NCKAP5: variants seen among roughly 807,000 people sequenced by gnomAD.
NCKAP5 encodes NCK associated protein 5.
NCKAP5 carries 92 observed loss-of-function variants against 167.0 expected under a neutral mutation model. The ratio of observed to expected loss-of-function variants is 0.55; its 90% CI spans 0.47 to 0.66. The LOEUF (loss-of-function observed/expected upper bound fraction) is 0.66, where lower values mean the gene tolerates loss of function less well. Ranked by LOEUF, NCKAP5 falls within the 30% of genes least tolerant of loss-of-function variation. The pLI is 0.00. For synonymous variants in NCKAP5, 891 were observed against 877.4 expected, an observed-to-expected ratio of 1.02 and a Z score of -0.27; for missense variants, 2,378 against 2,315.0, an observed-to-expected ratio of 1.03 and a Z score of -0.56.
At chr2:133,668,406 G>A in the NCKAP5 span, among the ~76,000 whole-genome samples, 1 of 152,002 alleles carries the variant, frequency 6.6e-6, no homozygotes, top group East Asian at 1.9e-4. Context: ...ATTCCCGCCA[G>A]CAATATATGA....
intron 6 of NCKAP5, among the ~76,000 whole-genome samples, chr2:133,091,748 A>G (rs1334015004): frequency 6.6e-6 from 1 of 152,080 alleles, no homozygotes; most frequent in Non-Finnish European, 1.5e-5. Context: ...TTAGCCGGGC[A>G]TGGTGGTGGG....
At chr2:133,279,986 A>C (rs960993426) in intron 4 of NCKAP5, among the ~76,000 whole-genome samples, 1 of 152,220 alleles carries the variant, frequency 6.6e-6, no homozygotes, top group Non-Finnish European at 1.5e-5. Context: ...AATTTTTAAT[A>C]ATACATCTTC....
intron 6 of NCKAP5, among the ~76,000 whole-genome samples, chr2:133,124,796 C>T (rs2082350340): frequency 3.3e-5 from 5 of 152,206 alleles, no homozygotes; most frequent in Admixed American, 3.3e-4. Flanking sequence ...TGGTGGTTCA[C>T]CAGCACGTTG....
the NCKAP5 span, among the ~76,000 whole-genome samples, chr2:133,595,292 CA>C: frequency 6.6e-6 from 1 of 152,000 alleles, no homozygotes; most frequent in Non-Finnish European, 1.5e-5. Context: ...CCCAGTTCAT[CA>C]GGGGGCCCAG....
intron 3 of NCKAP5, among the ~76,000 whole-genome samples, chr2:133,414,084 T>C (rs1688950846): frequency 6.6e-6 from 1 of 152,148 alleles, no homozygotes; most frequent in African/African-American, 2.4e-5. Context: ...TAGGATGGGT[T>C]CCAAGAAAAA....
chr2:133,532,660 A>G (rs1396325194), intron 2 of NCKAP5, among the ~76,000 whole-genome samples: 1 of 152,126 alleles, frequency 6.6e-6, no homozygotes, highest in Non-Finnish European at 1.5e-5. Flanking sequence ...CAGGCCAGGC[A>G]TTAGTCTTTC....
At chr2:133,060,514 T>C (rs1559098731) in intron 6 of NCKAP5, among the ~76,000 whole-genome samples, 1 of 152,222 alleles carries the variant, frequency 6.6e-6, no homozygotes, top group Non-Finnish European at 1.5e-5. Flanking sequence ...TGGACTAGAT[T>C]GATCAAAATA....
intron 3 of NCKAP5, among the ~76,000 whole-genome samples, chr2:133,361,436 T>C (rs1346955789): frequency 6.6e-6 from 1 of 152,224 alleles, no homozygotes; most frequent in Non-Finnish European, 1.5e-5. Context: ...AAAGTCTCAA[T>C]AAATATCTTT....
intron 4 of NCKAP5, among the ~76,000 whole-genome samples, chr2:133,291,282 T>C (rs1235708542): frequency 2.0e-5 from 3 of 152,270 alleles, no homozygotes; most frequent in Non-Finnish European, 4.4e-5. Flanking sequence ...ATGAGATAAT[T>C]AGACAAACAA....
chr2:132,998,353 T>A (rs2077670348), intron 6 of NCKAP5, among the ~76,000 whole-genome samples: 1 of 152,276 alleles, frequency 6.6e-6, no homozygotes, highest in African/African-American at 2.4e-5. Context: ...GACAGGAAAT[T>A]GTTAAAACAA....
At chr2:133,463,229 T>C (rs1288115704) in intron 3 of NCKAP5, among the ~76,000 whole-genome samples, 1 of 152,256 alleles carries the variant, frequency 6.6e-6, no homozygotes, top group Admixed American at 6.5e-5. Flanking sequence ...CCACATTTTT[T>C]AGATACAAAT....
intron 13 of NCKAP5, among the ~76,000 whole-genome samples, chr2:132,787,650 C>T (rs1053000312): frequency 2.0e-5 from 3 of 152,062 alleles, no homozygotes; most frequent in East Asian, 1.9e-4. Context: ...AATTCTCCAC[C>T]GTCAGAAGTT....
At chr2:133,158,925 G>A (rs77837971) in intron 5 of NCKAP5, among the ~76,000 whole-genome samples, 16,755 of 134,892 alleles carry the variant, frequency 0.12, 2,122 homozygotes, top group East Asian at 0.43. Context: ...GCTCTTAAGG[G>A]CTACAGTAGA....
chr2:132,823,429 G>T (rs767777731), intron 11 of NCKAP5, among the ~76,000 whole-genome samples: 3 of 152,108 alleles, frequency 2.0e-5, no homozygotes, highest in Non-Finnish European at 4.4e-5. Flanking sequence ...TGTCAGCCAA[G>T]GAATGTGTAT....
intron 8 of NCKAP5, among the ~76,000 whole-genome samples, chr2:132,923,575 C>T (rs996235532): frequency 1.1e-4 from 16 of 152,242 alleles, no homozygotes; most frequent in African/African-American, 3.6e-4. Context: ...TTCTTTCCTT[C>T]TAATTGGGAC....
At chr2:132,859,779 C>T (rs556338543) in intron 11 of NCKAP5, among the ~76,000 whole-genome samples, 2 of 152,310 alleles carry the variant, frequency 1.3e-5, no homozygotes, top group East Asian at 3.9e-4. Flanking sequence ...AGCAAATATA[C>T]ACATTAATAG....
At chr2:133,315,847 G>C (rs895796276) in intron 3 of NCKAP5, among the ~76,000 whole-genome samples, 10 of 152,168 alleles carry the variant, frequency 6.6e-5, no homozygotes, top group African/African-American at 2.4e-4. Flanking sequence ...AGAGGTTGGG[G>C]AAAGGTGAAG....
At chr2:132,937,042 CT>C (rs1696903281) in intron 8 of NCKAP5, among the ~76,000 whole-genome samples, 1 of 152,288 alleles carries the variant, frequency 6.6e-6, no homozygotes, top group Admixed American at 6.5e-5. Flanking sequence ...CAAAGTCCCA[CT>C]GAGGGTAACT....
intron 3 of NCKAP5, among the ~76,000 whole-genome samples, chr2:133,488,877 C>T (rs147926496): frequency 0.01 from 1,567 of 152,272 alleles, 21 homozygotes; most frequent in African/African-American, 0.036. Flanking sequence ...GATTGTGCCA[C>T]TGCACTCCAG....
Sources: gnomAD v4.1 joint callset for allele counts (sites outside exome capture counted in the v4.1 genomes callset) on GRCh38, gnomAD v4.1.1 for gene constraint, MANE v1.5 for transcripts, NCBI Gene and HGNC (gene_info 2026-07-23, HGNC 2026-07-21) for gene names.